Variants in MORC1 observed in about 807,000 individuals in gnomAD.
MORC1 encodes MORC family CW-type zinc finger 1.
A neutral mutation model predicts 134.9 loss-of-function variants in MORC1; 59 were observed. The observed-to-expected ratio is 0.44, with a 90% CI of 0.35 to 0.54. MORC1 has a LOEUF of 0.54. Ranked by LOEUF, MORC1 falls within the 20% of genes least tolerant of loss-of-function variation. The pLI is 0.00. For synonymous variants in MORC1, 395 were observed against 391.7 expected, an observed-to-expected ratio of 1.01 and a Z score of -0.10; for missense variants, 947 against 1,134.5, an observed-to-expected ratio of 0.83 and a Z score of 2.37.
intron 8 of MORC1, among the ~76,000 whole-genome samples, chr3:109,083,342 T>C (rs1384232754): frequency 1.4e-5 from 2 of 148,076 alleles, no homozygotes; most frequent in African/African-American, 5.0e-5. Flanking sequence ...AGATACAAGA[T>C]CCACTGGTAA....
At chr3:109,069,168 CA>C (rs1950262641) in intron 9 of MORC1, among the ~76,000 whole-genome samples, 1 of 151,976 alleles carries the variant, frequency 6.6e-6, no homozygotes, top group South Asian at 2.1e-4. Flanking sequence ...ACAACAACAA[CA>C]AAACCTTGAA....
rs1951311934 is a variant in MORC1, at chr3:109,118,114, C to G, written c.-55G>C. 1 of 1,562,498 alleles carries G rather than the reference C, an allele frequency of 6.4e-7. No homozygotes were observed. The highest frequency in any genetic ancestry group is 8.7e-7 in the Non-Finnish European group (1 of 1,150,108). On this transcript the variant is annotated 5_prime_UTR_variant, in exon 1 of 28. Coordinates refer to ENST00000232603, the MANE Select transcript of MORC1 (RefSeq NM_014429.4). ...GGGACAAGGACACCTGACCGGCAGC[C>G]GTTCGCCTGCGCCCGCGCCCACTCC... is the stretch of plus-strand genomic sequence containing the variant.
intron 22 of MORC1, among the ~76,000 whole-genome samples, chr3:108,986,638 A>T (rs2107469950): frequency 6.6e-6 from 1 of 152,274 alleles, no homozygotes; most frequent in South Asian, 2.1e-4. Context: ...AATTTCAGGC[A>T]GTGTGGCAGT....
At chr3:109,020,804 C>T (rs1472913158) in intron 17 of MORC1, among the ~76,000 whole-genome samples, 2 of 150,128 alleles carry the variant, frequency 1.3e-5, no homozygotes, top group Non-Finnish European at 3.0e-5. Flanking sequence ...ACTCCAGCCT[C>T]CAGGAATTGA....
chr3:109,069,580 T>G (rs1950271407), intron 9 of MORC1, 52 bp downstream of exon 9: 1 of 1,487,256 alleles, frequency 6.7e-7, no homozygotes, highest in East Asian at 2.3e-5. Flanking sequence ...GGGGAGCATA[T>G]CAATTTTATA....
At position 108,958,783 on chromosome 3, in the gene MORC1, T is replaced by G. The variant is rs1947002275; in HGVS notation, c.*182A>C. Reference sequence around the variant, plus strand: ...TTAGATAATTGGATTAGGGAATACATAAATTGTAAATCGGTCTCCATTTCT... The same window carrying G: ...TTAGATAATTGGATTAGGGAATACAGAAATTGTAAATCGGTCTCCATTTCT... On this transcript the variant is annotated 3_prime_UTR_variant, in exon 28 of 28. Coordinates refer to ENST00000232603, the MANE Select transcript of MORC1 (RefSeq NM_014429.4). 1 of 331,200 alleles carries G rather than the reference T, an allele frequency of 3.0e-6. No homozygotes were observed. Among genetic ancestry groups the G allele is most frequent in the Non-Finnish European group, 5.4e-6 (1 of 184,564 alleles). 20.5% of individuals were successfully genotyped at this position (331,200 alleles called of 1,614,324 possible).
chr3:108,982,398 T>A (rs1029556894), intron 23 of MORC1, among the ~76,000 whole-genome samples: 5 of 152,168 alleles, frequency 3.3e-5, no homozygotes, highest in Admixed American at 6.5e-5. Context: ...ATCCCACTAC[T>A]GGGTATATAC....
intron 21 of MORC1, 131 bp downstream of exon 21, chr3:109,000,426 G>T: frequency 1.5e-6 from 1 of 656,180 alleles, no homozygotes; most frequent in Non-Finnish European, 2.5e-6. Flanking sequence ...ACTTTTCTGA[G>T]TCTTATTTCT....
chr3:109,093,568 G>T, intron 7 of MORC1, 27 bp from the exon 8 acceptor site: 1 of 1,480,012 alleles, frequency 6.8e-7, no homozygotes, highest in Non-Finnish European at 9.4e-7. Context: ...TGTTTGACTT[G>T]TCAGTATTTT....
chr3:108,974,851 C>A (rs1947505455), intron 24 of MORC1, among the ~76,000 whole-genome samples: 1 of 152,192 alleles, frequency 6.6e-6, no homozygotes, highest in Non-Finnish European at 1.5e-5. Context: ...GGCTATGAAG[C>A]CCATCTCAGA....
chr3:109,084,601 T>C (rs748834943), intron 8 of MORC1, among the ~76,000 whole-genome samples: 11 of 152,046 alleles, frequency 7.2e-5, no homozygotes, highest in Non-Finnish European at 1.0e-4. Context: ...ACACATTCAA[T>C]AGAATATCAA....
chr3:109,074,138 C>T (rs1006924618), intron 8 of MORC1, among the ~76,000 whole-genome samples: 2 of 152,112 alleles, frequency 1.3e-5, no homozygotes, highest in African/African-American at 2.4e-5. Context: ...TTACTTAGCA[C>T]AAAATTTCAA....
intron 8 of MORC1, among the ~76,000 whole-genome samples, chr3:109,090,642 A>AC (rs60710738): frequency 4.1e-5 from 6 of 147,372 alleles, no homozygotes; most frequent in Admixed American, 1.3e-4. Context: ...AAAAAAAAAA[A>AC]CACGATGTCA....
intron 14 of MORC1, among the ~76,000 whole-genome samples, chr3:109,037,974 G>A (rs1393335901): frequency 6.6e-6 from 1 of 152,038 alleles, no homozygotes; most frequent in Non-Finnish European, 1.5e-5. Flanking sequence ...GGGATTGCTG[G>A]GTCAAATGGT....
At position 108,958,677 on chromosome 3, in the gene MORC1, A is replaced by T. The variant is rs150620007; in HGVS notation, c.*288T>A. 291 of 169,722 alleles carry T rather than the reference A, an allele frequency of 1.7e-3. 10 individuals carry two copies. In the East Asian group the frequency reaches 0.039, roughly 23 times the overall value. The allele number at this position is 169,722 out of a possible 1,614,324, so 10.5% of individuals were successfully genotyped here. A position where few individuals can be genotyped will look rare whatever the true frequency, so the allele number is the denominator to read the frequency against. On this transcript the variant is annotated 3_prime_UTR_variant, in exon 28 of 28. Coordinates refer to ENST00000232603, the MANE Select transcript of MORC1 (RefSeq NM_014429.4). ...GAATAACAAAAGTTAAGCTTGAGTG[A>T]CATTTTCATTTTTTTCAGTAGCTCA...
chr3:109,063,015 T>A (rs537450947), intron 10 of MORC1, 137 bp downstream of exon 10: 1 of 552,838 alleles, frequency 1.8e-6, no homozygotes, highest in Non-Finnish European at 3.2e-6. Flanking sequence ...TGAAGTTCCA[T>A]AGAGACAGAA....
chr3:109,057,290 T>C (rs370098729), intron 13 of MORC1, 53 bp downstream of exon 13: 12 of 1,549,494 alleles, frequency 7.7e-6, no homozygotes, highest in East Asian at 6.8e-5. Context: ...GACAGAATCT[T>C]ACTGTAACAT....
chr3:108,990,876 G>C (rs1948035392), intron 21 of MORC1, among the ~76,000 whole-genome samples: 1 of 149,436 alleles, frequency 6.7e-6, no homozygotes, highest in Admixed American at 6.6e-5. Flanking sequence ...AAAGGAAAAG[G>C]CTTAGGTTTA....
intron 14 of MORC1, among the ~76,000 whole-genome samples, chr3:109,052,037 G>A (rs553631807): frequency 5.5e-4 from 83 of 152,116 alleles, no homozygotes; most frequent in Non-Finnish European, 1.1e-3. Context: ...GACAAGGAAC[G>A]GATTACAGCG....
Sources: gnomAD v4.1 joint callset for allele counts (sites outside exome capture counted in the v4.1 genomes callset) on GRCh38, gnomAD v4.1.1 for gene constraint, MANE v1.5 for transcripts, NCBI Gene and HGNC (gene_info 2026-07-23, HGNC 2026-07-21) for gene names.